Variants in RBM33 observed in about 807,000 individuals in gnomAD.
The protein encoded by RBM33 is RNA binding motif protein 33.
A neutral mutation model predicts 132.6 loss-of-function variants in RBM33; 28 were observed. The observed-to-expected ratio is 0.21, with a 90% CI of 0.16 to 0.29. RBM33 has a LOEUF of 0.29. RBM33 is among the 10% of genes least tolerant of loss of function. The pLI is 1.00. For missense variants in RBM33, 1,291 were observed against 1,518.5 expected (o/e 0.85, Z 2.49); for synonymous variants, 634 against 593.0 (o/e 1.07, Z -1.01).
At chr7:155,711,568 T>C (rs978537911) in intron 8 of RBM33, 113 bp downstream of exon 8, 2 of 603,542 alleles carry the variant, frequency 3.3e-6, no homozygotes, top group Non-Finnish European at 2.7e-6. Context: ...GAAAGCAGTA[T>C]GCGTTCAGAA....
chr7:155,678,690 CAA>C lies in RBM33; in HGVS notation c.248+7_248+8del, dbSNP rs1321745440. ...GAAGATGAAGAAAATTTCAGGTACT[CAA>C]TATTACCTCATTATAAATGTTCTTT... On this transcript the variant is annotated splice_region_variant and intron_variant, in intron 4 of 17. Transcript: ENST00000401878. 1 of 1,391,646 alleles carries C rather than the reference CAA, an allele frequency of 7.2e-7. No individual in the cohort carries two copies. The highest frequency in any genetic ancestry group is 1.9e-5 in the Admixed American group (1 of 53,146). 86.2% of individuals were successfully genotyped at this position (1,391,646 alleles called of 1,614,324 possible).
In RBM33 at chr7:155,655,870, A is replaced by G. The variant is rs115838663; in HGVS notation, c.44-9305A>G. Among the ~76,000 whole-genome samples the G allele has an allele frequency of 3.9e-3, 591 of 152,194 alleles. 4 individuals carry two copies. The highest frequency in any genetic ancestry group is 0.014 in the African/African-American group (570 of 41,502). Reference sequence around the variant, plus strand: ...AAGAGTTCAGTCCAGTCTGGGTAACATTGCAAGACCCCGTCTCTTAAAAAA... The same window carrying G: ...AAGAGTTCAGTCCAGTCTGGGTAACGTTGCAAGACCCCGTCTCTTAAAAAA... On this transcript the variant is annotated intron_variant, in intron 1 of 17. Coordinates refer to ENST00000401878, the MANE Select transcript of RBM33 (RefSeq NM_053043.3).
intron 16 of RBM33, 156 bp downstream of exon 16, chr7:155,766,811 C>A: frequency 1.4e-6 from 1 of 715,252 alleles, no homozygotes; most frequent in Non-Finnish European, 2.3e-6. Context: ...TACTTAGTAT[C>A]AGAACATTTG....
At chr7:155,686,469 T>C (rs943550746) in intron 5 of RBM33, among the ~76,000 whole-genome samples, 2 of 151,976 alleles carry the variant, frequency 1.3e-5, no homozygotes, top group Non-Finnish European at 2.9e-5. Flanking sequence ...TTGTTCGTGG[T>C]ATTTTTTTTC....
intron 16 of RBM33, among the ~76,000 whole-genome samples, chr7:155,769,951 AAGG>A (rs1802361586): frequency 2.0e-5 from 3 of 152,302 alleles, no homozygotes; most frequent in South Asian, 4.1e-4. Context: ...ATCATTCCAA[AAGG>A]AGGAGGAGGA....
intron 16 of RBM33, among the ~76,000 whole-genome samples, chr7:155,767,733 T>C (rs1002284850): frequency 1.5e-4 from 23 of 152,238 alleles, no homozygotes; most frequent in African/African-American, 5.3e-4. Flanking sequence ...GGCTTCTGTT[T>C]GTGATAGAGC....
intron 9 of RBM33, among the ~76,000 whole-genome samples, chr7:155,732,853 A>G (rs6948930): frequency 0.28 from 42,343 of 152,084 alleles, 6,953 homozygotes; most frequent in African/African-American, 0.45. Context: ...GCCCAGGGAC[A>G]GGTGAAAAAC....
rs972182916 is a variant in RBM33, at chr7:155,768,627, T to C, written c.3375+1972T>C. Among the ~76,000 whole-genome samples the C allele has an allele frequency of 2.0e-5, 3 of 152,252 alleles. No individual in the cohort carries two copies. The East Asian group carries it at 5.8e-4, about 29-fold the overall frequency. ...GTAACTGCATGTTATTTTTTGTTTT[T>C]GTTTTTGGAGACGGAGTCTCGCTCT... On this transcript the variant is annotated intron_variant, in intron 16 of 17. Coordinates refer to ENST00000401878, the MANE Select transcript of RBM33 (RefSeq NM_053043.3).
Position 155,711,452 on chromosome 7 carries a change from C to G in RBM33, c.1198C>G (p.Gln400Glu). 1 of 1,437,284 alleles carries G rather than the reference C, an allele frequency of 7.0e-7. No homozygotes were observed. The highest frequency in any genetic ancestry group is 9.2e-7 in the Non-Finnish European group (1 of 1,092,638). 89.0% of individuals were successfully genotyped at this position (1,437,284 alleles called of 1,614,324 possible). The change falls in exon 8 of 18, where the codon CAA becomes GAA. Residue 400 changes from glutamine (Q) to glutamate (E), a missense_variant. Around this residue, in one of 7 missense-constraint regions of RBM33, gnomAD observed 10 missense variants for 32.3 expected, o/e 0.31. Transcript: ENST00000401878. ...HFKGTVVTPV[Q>E]VPLLPVPSQP... ...CAAAGGGACGGTGGTCACGCCTGTTCAAGGTCTGTGTTTCCTTTTACTATT... is the reference window on the plus strand; with the variant it reads ...CAAAGGGACGGTGGTCACGCCTGTTGAAGGTCTGTGTTTCCTTTTACTATT...
chr7:155,741,674 G>T (rs1801340538), intron 12 of RBM33, 145 bp from the exon 13 acceptor site: 2 of 746,946 alleles, frequency 2.7e-6, no homozygotes, highest in East Asian at 2.7e-5. Context: ...GAGAAAAAAA[G>T]TATGAGAAAA....
rs1326601175 is a variant in RBM33 at position 155,677,932 on chromosome 7, TAGTGTGAATAAGTAGTGAGAC to T, written c.172-664_172-644del. ...TTTAAAAAGGGAGGAACGTGTGAAG[TAGTGTGAATAAGTAGTGAGAC>T]AGTGTGAATAACACCCCCCCAACCT... On this transcript the variant is annotated intron_variant, in intron 3 of 17. Transcript: ENST00000401878. 5.3e-5 allele frequency among the ~76,000 whole-genome samples: 8 copies of T among 152,254 alleles called. No homozygotes were observed. In the East Asian group the frequency reaches 1.4e-3, roughly 26 times the overall value.
At chr7:155,737,741 C>A in intron 10 of RBM33, 79 bp downstream of exon 10, 11 of 1,380,930 alleles carry the variant, frequency 8.0e-6, no homozygotes, top group South Asian at 1.6e-5. Context: ...ATTTTGTAAA[C>A]TGAATTGAAC....
chr7:155,745,632 TTGAGTC>T lies in RBM33; in HGVS notation c.2979+33_2979+38del, dbSNP rs1346450488. The stretch of plus-strand genomic sequence containing the variant: ...GTTGACAAGTTTTATGAGAGCCTCT[TTGAGTC>T]TGTGTATCACATAGAATGTCCTCAT... On this transcript the variant is annotated intron_variant, in intron 14 of 17. Coordinates refer to ENST00000401878, the MANE Select transcript of RBM33 (RefSeq NM_053043.3). The surrounding 1 kb of genome is among the most constrained non-coding windows in gnomAD (Gnocchi z 4.1). 2 of 1,525,046 alleles carry T rather than the reference TTGAGTC, an allele frequency of 1.3e-6. No individual in the cohort carries two copies. The highest frequency in any genetic ancestry group is 2.8e-5 in the African/African-American group (2 of 72,380). The allele number at this position is 1,525,046 out of a possible 1,614,324, so 94.5% of individuals were successfully genotyped here.
intron 3 of RBM33, among the ~76,000 whole-genome samples, chr7:155,675,583 G>A (rs995009630): frequency 2.0e-5 from 3 of 152,034 alleles, no homozygotes; most frequent in Non-Finnish European, 2.9e-5. Flanking sequence ...TCAGGTGTCC[G>A]TCGTCCAGCC....
chr7:155,707,004 G>A lies in RBM33; in HGVS notation c.884G>A (p.Ser295Asn), dbSNP rs754334846. 3 of 1,585,458 alleles carry A rather than the reference G, an allele frequency of 1.9e-6. No individual in the cohort carries two copies. The highest frequency in any genetic ancestry group is 3.3e-4 in the Middle Eastern group (2 of 6,016). Residue 295 changes from serine (S) to asparagine (N), a missense_variant, in exon 7 of 18, where the codon AGC becomes AAC. Transcript: ENST00000401878. ...GGTGTGGGGGACCAGAGGAGAGAGA[G>A]CACCGAGAGGGGCAGGATGAAGGAC... ...CRGVGDQRRE[S>N]TERGRMKDHR...
intron 12 of RBM33, 49 bp from the exon 13 acceptor site, chr7:155,741,770 T>C: frequency 6.5e-7 from 1 of 1,535,132 alleles, no homozygotes; most frequent in Non-Finnish European, 8.9e-7. Flanking sequence ...TAATGTTCCT[T>C]CTGCCAAGTT....
intron 5 of RBM33, among the ~76,000 whole-genome samples, chr7:155,681,485 T>G (rs1799337107): frequency 6.6e-6 from 1 of 152,180 alleles, no homozygotes; most frequent in Non-Finnish European, 1.5e-5. Flanking sequence ...GTAGGTAGTT[T>G]TTTTTTTTCA....
At chr7:155,669,292 A>T (rs1200491836) in intron 2 of RBM33, among the ~76,000 whole-genome samples, 2 of 151,916 alleles carry the variant, frequency 1.3e-5, no homozygotes, top group Non-Finnish European at 2.9e-5. Flanking sequence ...TGTTTTATTT[A>T]TTTTTTTTAA....
intron 5 of RBM33, among the ~76,000 whole-genome samples, chr7:155,682,430 C>G (rs1443007134): frequency 6.6e-6 from 1 of 152,132 alleles, no homozygotes; most frequent in Non-Finnish European, 1.5e-5. Flanking sequence ...TTTGTATGCT[C>G]TTAAAGTTAG....
Sources: allele counts gnomAD v4.1 joint callset (sites outside exome capture counted in the v4.1 genomes callset), GRCh38; gene constraint gnomAD v4.1.1; regional missense constraint gnomAD v4.1.1; non-coding constraint Gnocchi (gnomAD v3.1); transcripts MANE v1.5; gene names NCBI Gene and HGNC (gene_info 2026-07-23, HGNC 2026-07-21).